Variants in FAM186B observed in about 807,000 individuals in gnomAD.
FAM186B encodes the protein family with sequence similarity 186 member B.
FAM186B carries 68 observed loss-of-function variants against 83.4 expected under a neutral mutation model. That is an observed-to-expected ratio of 0.81 (90% CI 0.67 to 1.00). The LOEUF (loss-of-function observed/expected upper bound fraction) is 1.00, where lower values mean the gene tolerates loss of function less well. FAM186B is among the 50% of genes least tolerant of loss of function. FAM186B has a pLI of 0.00. For synonymous variants in FAM186B, 389 were observed against 422.0 expected (o/e 0.92, Z 0.96); for missense variants, 983 against 1,099.2 (o/e 0.89, Z 1.49).
In FAM186B at chr12:49,600,376, C is replaced by T. The variant is rs1444317574; in HGVS notation, c.1264G>A (p.Asp422Asn). Residue 422 changes from aspartate (D) to asparagine (N), a missense_variant, in exon 4 of 7, where the codon GAT (aspartate) becomes AAT (asparagine). Transcript: ENST00000257894. The surrounding 1 kb of genome is among the most constrained non-coding windows in gnomAD (Gnocchi z 4.3). ...SLEPVLLPLV[D>N]RRFPKKWERP... ...TCCCATTTCTTAGGAAACCTGCGATCTACTAAGGGTAAAAGCACAGGCTCA... is the reference window on the plus strand; with the variant it reads ...TCCCATTTCTTAGGAAACCTGCGATTTACTAAGGGTAAAAGCACAGGCTCA... 1.9e-6 allele frequency: 3 copies of T among 1,614,210 alleles called. No individual in the cohort carries two copies. Among genetic ancestry groups the T allele is most frequent in the Middle Eastern group, 1.6e-4 (1 of 6,062 alleles).
At chr12:49,586,539 C>T (rs1233907860), downstream of FAM186B, among the ~76,000 whole-genome samples, 4 of 152,126 alleles carry the variant, frequency 2.6e-5, no homozygotes, top group Non-Finnish European at 5.9e-5. Context: ...GGAAGGGATG[C>T]GGAGAGGAGA....
At chr12:49,585,279 A>G (rs1434608049), downstream of FAM186B, among the ~76,000 whole-genome samples, 2 of 152,082 alleles carry the variant, frequency 1.3e-5, no homozygotes, top group African/African-American at 2.4e-5. Flanking sequence ...CGGCCTCTCA[A>G]AGTGCTGGGA....
chr12:49,598,999 C>T (rs1939799841), intron 4 of FAM186B, 52 bp from the exon 5 acceptor site: 2 of 1,561,748 alleles, frequency 1.3e-6, no homozygotes, highest in East Asian at 4.5e-5. Flanking sequence ...CCTCTATCCC[C>T]CAAGTCTGTT....
chr12:49,610,062 T>C (rs1266171202), upstream of FAM186B, among the ~76,000 whole-genome samples: 2 of 149,522 alleles, frequency 1.3e-5, no homozygotes, highest in East Asian at 2.0e-4. Flanking sequence ...TACAAGGCTA[T>C]AGAAGCAAAG....
chr12:49,622,019 TAAAGA>T, the FAM186B span, among the ~76,000 whole-genome samples: 1 of 152,220 alleles, frequency 6.6e-6, no homozygotes, highest in Non-Finnish European at 1.5e-5. Flanking sequence ...AATATTTCAT[TAAAGA>T]AAAGAAAAGC....
chr12:49,618,820 A>G, the FAM186B span, among the ~76,000 whole-genome samples: 1 of 152,252 alleles, frequency 6.6e-6, no homozygotes, highest in South Asian at 2.1e-4. Context: ...GAGTTCCAAA[A>G]AGGAAAGAAT....
chr12:49,600,557 C>T lies in FAM186B; in HGVS notation c.1083G>A (p.Pro361=). ...GCGAGAACAACTGCTCCTCCTTCAT[C>T]GGTTCCTGTTGGCTTTCCTCCATGA... ...ETVMEESQQE[P]MKEEQLFSPL... The change falls in exon 4 of 7, where the codon CCG becomes CCA. Residue 361 remains proline, a synonymous_variant. Transcript: ENST00000257894. The surrounding 1 kb of genome is among the most constrained non-coding windows in gnomAD (Gnocchi z 4.3). 2.5e-6 allele frequency: 4 copies of T among 1,613,610 alleles called. No individual in the cohort carries two copies. The highest frequency in any genetic ancestry group is 1.3e-5 in the African/African-American group (1 of 75,046).
chr12:49,620,124 A>C, the FAM186B span, among the ~76,000 whole-genome samples: 1 of 152,326 alleles, frequency 6.6e-6, no homozygotes, highest in South Asian at 2.1e-4. Context: ...TTTACTAACT[A>C]GGTCATTCAG....
chr12:49,599,543 G>A lies in FAM186B; in HGVS notation c.2097C>T (p.Thr699=), dbSNP rs762255365. The A allele has an allele frequency of 1.9e-6, 3 of 1,605,404 alleles. No homozygotes were observed. In the South Asian group the frequency reaches 3.3e-5, roughly 18 times the overall value. The change falls in exon 4 of 7, where the codon ACC becomes ACT. Residue 699 remains threonine, a synonymous_variant. Transcript: ENST00000257894. The part of the protein sequence containing the change: ...RSKALELTTT[T]MELGALRLQY... ...GCAGCCTGAGCGCGCCCAGCTCCATGGTGGTGGTGGTGAGCTCCAGTGCTT... is the reference window on the plus strand; with the variant it reads ...GCAGCCTGAGCGCGCCCAGCTCCATAGTGGTGGTGGTGAGCTCCAGTGCTT...
At chr12:49,584,217 C>T (rs1486606209), downstream of FAM186B, 2 of 386,806 alleles carry the variant, frequency 5.2e-6, no homozygotes, top group Non-Finnish European at 9.5e-6. Flanking sequence ...AGGACACAGA[C>T]AACACTCAGA....
chr12:49,599,357 G>C, intron 4 of FAM186B, 112 bp downstream of exon 4: 1 of 1,410,952 alleles, frequency 7.1e-7, no homozygotes, highest in Non-Finnish European at 9.3e-7. Context: ...TCCAGGCCTG[G>C]GGTGGCTCTC....
At chr12:49,622,751 G>C in the FAM186B span, 1 of 152,338 alleles carries the variant, frequency 6.6e-6, no homozygotes, top group Admixed American at 6.5e-5. Flanking sequence ...GGGGAATAAA[G>C]GGAACAGGAA....
chr12:49,603,317 C>G lies in FAM186B; in HGVS notation c.373G>C (p.Ala125Pro). The G allele has an allele frequency of 1.2e-6, 2 of 1,614,224 alleles. No individual in the cohort carries two copies. The highest frequency in any genetic ancestry group is 1.7e-6 in the Non-Finnish European group (2 of 1,180,048). ...ACTTCAATCCATTCGTCCAGAGCTG[C>G]TGCTTCCTCTTCACTCTTCCTGGGC... ...IGPRKSEEEA[A>P]ALDEWIEVTE... Residue 125 changes from alanine to proline, a missense_variant, in exon 3 of 7, where the codon GCA becomes CCA. Coordinates refer to ENST00000257894, the MANE Select transcript of FAM186B (RefSeq NM_032130.3).
At chr12:49,617,162 A>C in the FAM186B span, among the ~76,000 whole-genome samples, 10 of 152,286 alleles carry the variant, frequency 6.6e-5, no homozygotes, top group African/African-American at 2.4e-4. Context: ...CCCGGGAGAG[A>C]TGTTTACAAA....
In FAM186B at chr12:49,600,348, C is replaced by T; in HGVS notation, c.1292G>A (p.Arg431Lys). The T allele has an allele frequency of 6.2e-7, 1 of 1,614,214 alleles. No homozygotes were observed. The highest frequency in any genetic ancestry group is 8.5e-7 in the Non-Finnish European group (1 of 1,180,034). The change falls in exon 4 of 7, where the codon AGA becomes AAA. Residue 431 changes from arginine (R) to lysine (K), a missense_variant. Coordinates refer to ENST00000257894, the MANE Select transcript of FAM186B (RefSeq NM_032130.3). This position sits in a 1 kb window ranked among gnomAD's most constrained non-coding sequence, Gnocchi z 4.3. Reference sequence around the variant, plus strand: ...GTGGCCTAAGCTTTCTGCCACCGGTCTTTCCCATTTCTTAGGAAACCTGCG... The same window carrying T: ...GTGGCCTAAGCTTTCTGCCACCGGTTTTTCCCATTTCTTAGGAAACCTGCG... The part of the protein sequence containing the change: ...VDRRFPKKWE[R>K]PVAESLGHKD...
At chr12:49,599,397 C>G in intron 4 of FAM186B, 72 bp downstream of exon 4, 1 of 1,471,810 alleles carries the variant, frequency 6.8e-7, no homozygotes, top group Admixed American at 2.7e-5. Context: ...TGTTCCTTCT[C>G]TCCCACTGGG....
At chr12:49,617,439 G>C in the FAM186B span, among the ~76,000 whole-genome samples, 16 of 152,150 alleles carry the variant, frequency 1.1e-4, no homozygotes, top group Non-Finnish European at 2.9e-5. Context: ...AGCTACTCAG[G>C]AGGCTGAGGT....
intron 5 of FAM186B, among the ~76,000 whole-genome samples, chr12:49,597,245 G>A (rs1939748896): frequency 6.6e-6 from 1 of 152,152 alleles, no homozygotes; most frequent in African/African-American, 2.4e-5. Context: ...ATTAAGTGAT[G>A]CATAACTGTA....
chr12:49,603,105 A>C, intron 3 of FAM186B, 80 bp downstream of exon 3: 1 of 1,477,354 alleles, frequency 6.8e-7, no homozygotes, highest in Non-Finnish European at 9.4e-7. Flanking sequence ...GAAAGACCCC[A>C]GGCCCAGCCT....
Sources: allele counts gnomAD v4.1 joint callset (sites outside exome capture counted in the v4.1 genomes callset), GRCh38; gene constraint gnomAD v4.1.1; non-coding constraint Gnocchi (gnomAD v3.1); transcripts MANE v1.5; gene names NCBI Gene and HGNC (gene_info 2026-07-23, HGNC 2026-07-21).